Variants in GPR158 observed in about 807,000 individuals in gnomAD.
GPR158 encodes the protein metabotropic glycine receptor.
A neutral mutation model predicts 78.2 loss-of-function variants in GPR158; 30 were observed. That is an observed-to-expected ratio of 0.38 (90% CI 0.29 to 0.52). The LOEUF is 0.52. Ranked by LOEUF, GPR158 falls within the 20% of genes least tolerant of loss-of-function variation. The probability of loss-of-function intolerance (pLI) is 0.83; values close to 1 mark genes in which losing one functional copy is unlikely to be tolerated. For synonymous variants in GPR158, 581 were observed against 591.1 expected (o/e 0.98, Z 0.25); for missense variants, 1,463 against 1,523.5 (o/e 0.96, Z 0.66).
chr10:25,474,683 C>T (rs753637310), intron 5 of GPR158, among the ~76,000 whole-genome samples: 3 of 152,108 alleles, frequency 2.0e-5, no homozygotes, highest in Non-Finnish European at 2.9e-5. Flanking sequence ...CTGTCTTGCT[C>T]GGCACTGCAT....
chr10:25,543,479 G>T (rs191871665), intron 5 of GPR158, among the ~76,000 whole-genome samples: 17 of 152,226 alleles, frequency 1.1e-4, no homozygotes, highest in Non-Finnish European at 2.1e-4. Flanking sequence ...TCATTTGATT[G>T]AATTTTTTGT....
At chr10:25,589,957 G>GA (rs1837318889) in intron 8 of GPR158, among the ~76,000 whole-genome samples, 1 of 152,312 alleles carries the variant, frequency 6.6e-6, no homozygotes, top group South Asian at 2.1e-4. Context: ...ACACACTTAA[G>GA]AAAATTAGAG....
chr10:25,206,286 C>G (rs887524562), intron 1 of GPR158, among the ~76,000 whole-genome samples: 1 of 152,078 alleles, frequency 6.6e-6, no homozygotes, highest in Non-Finnish European at 1.5e-5. Context: ...CGCGCCCGGC[C>G]CAGATATGGG....
rs117372821 is a variant in GPR158, at chr10:25,178,326, G to A, written c.902+2004G>A. 3.5e-4 allele frequency among the ~76,000 whole-genome samples: 53 copies of A among 152,176 alleles called. No individual in the cohort carries two copies. In the East Asian group the frequency reaches 0.01, roughly 29 times the overall value. On this transcript the variant is annotated intron_variant, in intron 1 of 10. Coordinates refer to ENST00000376351, the MANE Select transcript of GPR158 (RefSeq NM_020752.3). Reference sequence around the variant, plus strand: ...ACTCTGTTCTATGAAGGTGTCCTAGGGGTTGCTATAAACAATGTAGGTACT... The same window carrying A: ...ACTCTGTTCTATGAAGGTGTCCTAGAGGTTGCTATAAACAATGTAGGTACT...
intron 2 of GPR158, among the ~76,000 whole-genome samples, chr10:25,380,565 A>G (rs1834140478): frequency 6.6e-6 from 1 of 152,156 alleles, no homozygotes. Flanking sequence ...TTGGAGTACA[A>G]TTACTTAGTT....
intron 2 of GPR158, among the ~76,000 whole-genome samples, chr10:25,307,381 T>G (rs1588789238): frequency 2.1e-4 from 3 of 14,050 alleles, no homozygotes; most frequent in East Asian, 4.8e-4. Context: ...TAATTGCTTT[T>G]TTTTTTTTTT....
At chr10:25,284,345 A>G (rs538393102) in intron 2 of GPR158, among the ~76,000 whole-genome samples, 2 of 151,820 alleles carry the variant, frequency 1.3e-5, no homozygotes, top group East Asian at 3.9e-4. Context: ...CTTTTTGGGG[A>G]ATGTCATTTT....
intron 2 of GPR158, among the ~76,000 whole-genome samples, chr10:25,302,913 G>A (rs1854619764): frequency 6.6e-6 from 1 of 152,146 alleles, no homozygotes; most frequent in African/African-American, 2.4e-5. Flanking sequence ...TGATACCAAC[G>A]TAGGTTCTGA....
intron 2 of GPR158, among the ~76,000 whole-genome samples, chr10:25,258,543 C>T (rs1414675715): frequency 6.6e-6 from 1 of 151,938 alleles, no homozygotes; most frequent in African/African-American, 2.4e-5. Context: ...ATAATTTCTT[C>T]TATGAGTTTT....
intron 7 of GPR158, among the ~76,000 whole-genome samples, chr10:25,581,193 G>T (rs1837193256): frequency 1.3e-5 from 2 of 152,006 alleles, no homozygotes; most frequent in African/African-American, 4.8e-5. Flanking sequence ...CTCCCAAAGT[G>T]CTGGGATTAC....
At chr10:25,450,393 TTTTTTTA>T (rs560908952) in intron 4 of GPR158, among the ~76,000 whole-genome samples, 19,879 of 63,326 alleles carry the variant, frequency 0.31, 3,079 homozygotes, top group African/African-American at 0.53. Flanking sequence ...TTTTTTTTTT[TTTTTTTA>T]AACCTTAAAT....
intron 7 of GPR158, among the ~76,000 whole-genome samples, chr10:25,579,580 T>G (rs142986928): frequency 2.6e-5 from 4 of 152,314 alleles, no homozygotes; most frequent in East Asian, 3.9e-4. Flanking sequence ...GTGACCAAGA[T>G]AAGCTAGAAC....
At chr10:25,466,255 C>T (rs1411211450) in intron 4 of GPR158, 1 of 160,650 alleles carries the variant, frequency 6.2e-6, no homozygotes, top group Non-Finnish European at 1.4e-5. Flanking sequence ...AAGCTGTAAC[C>T]CTCGCCGCTG....
chr10:25,278,857 G>C (rs866373593), intron 2 of GPR158, among the ~76,000 whole-genome samples: 39 of 151,890 alleles, frequency 2.6e-4, no homozygotes, highest in African/African-American at 9.2e-4. Context: ...GGCACTTACT[G>C]TTACCAGACC....
At position 25,560,047 on chromosome 10, in the gene GPR158, T is replaced by C. The variant is rs142303984; in HGVS notation, c.1514+8962T>C. On this transcript the variant is annotated intron_variant, in intron 6 of 10. Transcript: ENST00000376351. ...TTATAATTAGTTTCCAAAAGTTTCA[T>C]TGACAGTGTGACTGTAAGTTATTCT... 3.0e-4 allele frequency among the ~76,000 whole-genome samples: 46 copies of C among 152,332 alleles called. No individual in the cohort carries two copies. In the East Asian group the frequency reaches 4.2e-3, roughly 14 times the overall value.
intron 2 of GPR158, among the ~76,000 whole-genome samples, chr10:25,373,765 T>C (rs1834037628): frequency 6.6e-6 from 1 of 151,912 alleles, no homozygotes; most frequent in Non-Finnish European, 1.5e-5. Context: ...CTTATTTCTG[T>C]ATGACTTCTA....
chr10:25,407,250 T>C (rs984509702), intron 3 of GPR158, among the ~76,000 whole-genome samples: 2 of 152,196 alleles, frequency 1.3e-5, no homozygotes, highest in Admixed American at 6.5e-5. Context: ...TTATTTTCTG[T>C]TAAAGTTTTC....
chr10:25,267,147 A>G (rs1348230553), intron 2 of GPR158, among the ~76,000 whole-genome samples: 4 of 152,162 alleles, frequency 2.6e-5, no homozygotes, highest in African/African-American at 9.7e-5. Flanking sequence ...TGATTAAATG[A>G]CATAACAATC....
At chr10:25,207,058 G>T (rs1853050915) in intron 1 of GPR158, among the ~76,000 whole-genome samples, 1 of 152,014 alleles carries the variant, frequency 6.6e-6, no homozygotes, top group Non-Finnish European at 1.5e-5. Flanking sequence ...TATAGGAGGA[G>T]AATTATGAAC....
Sources: gnomAD v4.1 joint callset for allele counts (sites outside exome capture counted in the v4.1 genomes callset) on GRCh38, gnomAD v4.1.1 for gene constraint, MANE v1.5 for transcripts, NCBI Gene and HGNC (gene_info 2026-07-23, HGNC 2026-07-21) for gene names.